Variants in PAH observed in about 807,000 individuals in gnomAD.
The protein encoded by PAH is phenylalanine-4-hydroxylase.
A neutral mutation model predicts 62.0 loss-of-function variants in PAH; 64 were observed. The ratio of observed to expected loss-of-function variants is 1.03; its 90% CI spans 0.84 to 1.27. The LOEUF (loss-of-function observed/expected upper bound fraction) is 1.27, where lower values mean the gene tolerates loss of function less well. Among genes scored for constraint, PAH ranks in the 50% most tolerant of loss-of-function variants. The probability of loss-of-function intolerance (pLI) is 0.00; values close to 1 mark genes in which losing one functional copy is unlikely to be tolerated. For synonymous variants in PAH, 195 were observed against 196.2 expected (o/e 0.99, Z 0.05); for missense variants, 579 against 542.8 (o/e 1.07, Z -0.66).
chr12:102,889,414 GA>G (rs1565864273), intron 3 of PAH, among the ~76,000 whole-genome samples: 1 of 140,168 alleles, frequency 7.1e-6, no homozygotes, highest in African/African-American at 2.7e-5. Flanking sequence ...TAGATAGATA[GA>G]TAGATAGATA....
At chr12:102,951,345 G>C (rs377113525), upstream of PAH, among the ~76,000 whole-genome samples, 1 of 152,150 alleles carries the variant, frequency 6.6e-6, no homozygotes, top group Non-Finnish European at 1.5e-5. Flanking sequence ...GTACTGTTCT[G>C]AGGGTCAACG....
intron 1 of PAH, among the ~76,000 whole-genome samples, chr12:102,924,795 A>G (rs1158462833): frequency 6.6e-6 from 1 of 152,154 alleles, no homozygotes; most frequent in Non-Finnish European, 1.5e-5. Flanking sequence ...TCTACTCTGC[A>G]TTACCCATGG....
intron 4 of PAH, among the ~76,000 whole-genome samples, chr12:102,874,373 T>G (rs1216876593): frequency 6.6e-6 from 1 of 152,216 alleles, no homozygotes; most frequent in Non-Finnish European, 1.5e-5. Context: ...CTTCTCTCTC[T>G]ACTGTACAAC....
intron 2 of PAH, among the ~76,000 whole-genome samples, chr12:102,899,339 C>T (rs562382730): frequency 6.6e-6 from 1 of 152,272 alleles, no homozygotes; most frequent in Admixed American, 6.5e-5. Flanking sequence ...ATACAGTGCT[C>T]ATCACTCATA....
At chr12:102,878,253 G>A (rs551811127) in intron 3 of PAH, among the ~76,000 whole-genome samples, 2 of 152,348 alleles carry the variant, frequency 1.3e-5, no homozygotes, top group East Asian at 1.9e-4. Flanking sequence ...CCCAGGCACT[G>A]CAGCAAAATC....
chr12:102,849,452 A>G (rs1005221651), intron 8 of PAH, among the ~76,000 whole-genome samples: 1 of 152,166 alleles, frequency 6.6e-6, no homozygotes, highest in South Asian at 2.1e-4. Context: ...TGTGTCCGTC[A>G]TCAGAGTAGA....
intron 3 of PAH, among the ~76,000 whole-genome samples, chr12:102,891,934 C>G (rs933992827): frequency 6.6e-6 from 1 of 152,146 alleles, no homozygotes; most frequent in Non-Finnish European, 1.5e-5. Context: ...CAGGATCTGG[C>G]AGGCCCTTTG....
At chr12:102,948,669 T>G (rs1332950492) in intron 1 of PAH, among the ~76,000 whole-genome samples, 1 of 152,244 alleles carries the variant, frequency 6.6e-6, no homozygotes, top group African/African-American at 2.4e-5. Context: ...AACTTCTTTA[T>G]CAGAATATAT....
At chr12:102,876,777 C>T (rs1183022238) in intron 4 of PAH, among the ~76,000 whole-genome samples, 1 of 152,080 alleles carries the variant, frequency 6.6e-6, no homozygotes, top group African/African-American at 2.4e-5. Flanking sequence ...ATCCCCCACC[C>T]CGGCCCTCTA....
intron 4 of PAH, among the ~76,000 whole-genome samples, chr12:102,874,924 G>T (rs549554882): frequency 1.6e-4 from 24 of 152,322 alleles, no homozygotes; most frequent in African/African-American, 5.8e-4. Flanking sequence ...CAGGGACAAA[G>T]AGATCACACA....
chr12:102,869,338 A>G (rs778366305), intron 4 of PAH, among the ~76,000 whole-genome samples: 3 of 152,216 alleles, frequency 2.0e-5, no homozygotes, highest in Non-Finnish European at 2.9e-5. Context: ...TGTCAGAGGA[A>G]ATATGTAAGT....
chr12:102,849,751 C>G (rs1875065401), intron 8 of PAH, among the ~76,000 whole-genome samples: 2 of 152,220 alleles, frequency 1.3e-5, no homozygotes, highest in Non-Finnish European at 2.9e-5. Context: ...AGTCACCATT[C>G]TTTGTGAGCC....
chr12:102,921,673 A>G (rs967839841), upstream of PAH, among the ~76,000 whole-genome samples: 7 of 152,296 alleles, frequency 4.6e-5, no homozygotes, highest in African/African-American at 1.7e-4. Flanking sequence ...ATCTACCTGC[A>G]TTGTAGATAT....
At chr12:102,908,273 C>T (rs1878060621) in intron 2 of PAH, among the ~76,000 whole-genome samples, 1 of 151,436 alleles carries the variant, frequency 6.6e-6, no homozygotes, top group South Asian at 2.1e-4. Flanking sequence ...GAGTGCATTC[C>T]ATCCAATTCT....
At chr12:102,884,954 A>T (rs2136689216) in intron 3 of PAH, among the ~76,000 whole-genome samples, 1 of 152,354 alleles carries the variant, frequency 6.6e-6, no homozygotes, top group Admixed American at 6.5e-5. Flanking sequence ...TCAAAGAGAC[A>T]AAGTGATTTG....
chr12:102,870,553 T>G (rs994957218), intron 4 of PAH, among the ~76,000 whole-genome samples: 2 of 152,110 alleles, frequency 1.3e-5, no homozygotes, highest in African/African-American at 4.8e-5. Flanking sequence ...GACAGAGAAG[T>G]CTGGCTCAGA....
chr12:102,887,644 A>G lies in PAH; in HGVS notation c.352+7091T>C, dbSNP rs186643194. On this transcript the variant is annotated intron_variant, in intron 3 of 12. Transcript: ENST00000553106. The stretch of plus-strand genomic sequence containing the variant: ...CAAGCAAGTCCAATTTGATCTTTCA[A>G]GCACCCTTATGCACAGGGTACTCCA... Among the ~76,000 whole-genome samples, 296 of 152,260 alleles carry G rather than the reference A, an allele frequency of 1.9e-3. 2 individuals are homozygous for G. The highest frequency in any genetic ancestry group is 6.6e-3 in the African/African-American group (275 of 41,564).
At chr12:102,908,855 T>C (rs1287658722) in intron 2 of PAH, among the ~76,000 whole-genome samples, 1 of 150,434 alleles carries the variant, frequency 6.6e-6, no homozygotes. Flanking sequence ...TTTTTTTTTT[T>C]TTTGAGACAG....
chr12:102,863,926 G>C (rs553023970), intron 5 of PAH, among the ~76,000 whole-genome samples: 32 of 152,188 alleles, frequency 2.1e-4, no homozygotes, highest in African/African-American at 7.5e-4. Flanking sequence ...TGCTGTAGCA[G>C]CCTTCTAGAT....
Sources: gnomAD v4.1 joint callset for allele counts (sites outside exome capture counted in the v4.1 genomes callset) on GRCh38, gnomAD v4.1.1 for gene constraint, MANE v1.5 for transcripts, NCBI Gene and HGNC (gene_info 2026-07-23, HGNC 2026-07-21) for gene names.